Variants in LCK observed in about 807,000 individuals in gnomAD.
LCK encodes LCK proto-oncogene, Src family tyrosine kinase, also known as tyrosine-protein kinase Lck.
A neutral mutation model predicts 64.6 loss-of-function variants in LCK; 14 were observed. The ratio of observed to expected loss-of-function variants is 0.22; its 90% CI spans 0.14 to 0.34. The LOEUF (loss-of-function observed/expected upper bound fraction) is 0.34. LCK is among the 10% of genes least tolerant of loss of function. LCK has a pLI of 1.00. For missense variants in LCK, 434 were observed against 668.1 expected (o/e 0.65, Z 3.86); for synonymous variants, 277 against 263.6 (o/e 1.05, Z -0.49).
intron 1 of LCK, among the ~76,000 whole-genome samples, chr1:32,267,684 T>C (rs946670695): frequency 7.2e-6 from 1 of 138,234 alleles, no homozygotes; most frequent in Non-Finnish European, 1.6e-5. Context: ...TCACCTGAGG[T>C]CGAGAGATTG....
chr1:32,255,254 GTTTGGGCCTCAGTC>G (rs906620188), intron 1 of LCK, among the ~76,000 whole-genome samples: 1 of 152,144 alleles, frequency 6.6e-6, no homozygotes, highest in Non-Finnish European at 1.5e-5. Flanking sequence ...ATTTTACCTG[GTTTGGGCCTCAGTC>G]TTTGCATCTG....
chr1:32,276,324 C>G lies in LCK; in HGVS notation c.632-13C>G, dbSNP rs982714315. The G allele has an allele frequency of 1.3e-6, 2 of 1,548,836 alleles. No homozygotes were observed. Among genetic ancestry groups the G allele is most frequent in the African/African-American group, 1.4e-5 (1 of 73,110 alleles). On this transcript the variant is annotated splice_polypyrimidine_tract_variant and intron_variant, in intron 7 of 12. Coordinates refer to ENST00000336890, the MANE Select transcript of LCK (RefSeq NM_005356.5). The surrounding 1 kb of genome is among the most constrained non-coding windows in gnomAD (Gnocchi z 4.6). Reference sequence around the variant, plus strand: ...CCCTATTGACAGCCTTCACCCCTCCCTCGTCCTCGCAGATGCTTCAGATGG... The same window carrying G: ...CCCTATTGACAGCCTTCACCCCTCCGTCGTCCTCGCAGATGCTTCAGATGG...
intron 1 of LCK, among the ~76,000 whole-genome samples, chr1:32,259,568 C>T (rs972283622): frequency 4.7e-5 from 7 of 150,446 alleles, no homozygotes; most frequent in African/African-American, 2.4e-5. Flanking sequence ...TGCAGTGAGC[C>T]GAGATTGCAC....
chr1:32,257,435 A>G (rs1445933353), intron 1 of LCK, among the ~76,000 whole-genome samples: 1 of 151,222 alleles, frequency 6.6e-6, no homozygotes, highest in African/African-American at 2.4e-5. Context: ...TTTTTTTTGT[A>G]CCGACGGGGT....
At chr1:32,282,061 C>A (rs1416080820) in intron 12 of LCK, among the ~76,000 whole-genome samples, 1 of 152,006 alleles carries the variant, frequency 6.6e-6, no homozygotes, top group Non-Finnish European at 1.5e-5. Context: ...CAAAGTGAGA[C>A]TCTGTTTCAA....
chr1:32,256,874 C>A (rs911968281), intron 1 of LCK, among the ~76,000 whole-genome samples: 14 of 152,194 alleles, frequency 9.2e-5, no homozygotes, highest in African/African-American at 3.4e-4. Context: ...TTTTAGTGTG[C>A]GCTGTTGTTT....
chr1:32,258,107 A>AC (rs1361935197), intron 1 of LCK, among the ~76,000 whole-genome samples: 1 of 151,576 alleles, frequency 6.6e-6, no homozygotes, highest in Non-Finnish European at 1.5e-5. Flanking sequence ...ACATAGGCAG[A>AC]CCCCGTCTCT....
chr1:32,254,144 A>C (rs1639573920), intron 1 of LCK, among the ~76,000 whole-genome samples: 1 of 152,118 alleles, frequency 6.6e-6, no homozygotes, highest in Admixed American at 6.6e-5. Context: ...AAGTATCTGG[A>C]GCTAGGGGTT....
In LCK at chr1:32,273,561, G is replaced by C. The variant is rs150235739; in HGVS notation, c.-5-764G>C. On this transcript the variant is annotated intron_variant, in intron 1 of 12. Transcript: ENST00000336890. Reference sequence around the variant, plus strand: ...CAGCCCTAGAGAAGGAGGAGCTGCAGGGACTCCGGGGGCTTCAAAGTGAGG... The same window carrying C: ...CAGCCCTAGAGAAGGAGGAGCTGCACGGACTCCGGGGGCTTCAAAGTGAGG... Among the ~76,000 whole-genome samples, 894 of 152,144 alleles carry C rather than the reference G, an allele frequency of 5.9e-3. 7 individuals are homozygous for C. The highest frequency in any genetic ancestry group is 0.021 in the African/African-American group (857 of 41,482).
At chr1:32,262,413 ATC>A (rs1175607617) in intron 1 of LCK, among the ~76,000 whole-genome samples, 1 of 147,294 alleles carries the variant, frequency 6.8e-6, no homozygotes, top group African/African-American at 2.5e-5. Flanking sequence ...TGGCAGGAGA[ATC>A]TCTTTTTCTT....
Position 32,276,361 on chromosome 1 carries a change from G to T in LCK, c.656G>T (p.Arg219Leu). Reference protein sequence around the residue: ...YTNASDGLCTRLSRPCQTQKP... With the variant: ...YTNASDGLCTLLSRPCQTQKP... ...GATGCTTCAGATGGGCTGTGCACAC[G>T]GTTGAGCCGCCCCTGCCAGACCCAG... The change falls in exon 8 of 13, where the codon CGG becomes CTG. Residue 219 changes from arginine to leucine, a missense_variant. By Grantham distance (102) the Arg-to-Leu change is moderately radical. Around this residue, in one of 2 missense-constraint regions of LCK, gnomAD observed 233 missense variants for 291.2 expected, o/e 0.80. Transcript: ENST00000336890. The surrounding 1 kb of genome is among the most constrained non-coding windows in gnomAD (Gnocchi z 4.6). 1 of 1,608,738 alleles carries T rather than the reference G, an allele frequency of 6.2e-7. No homozygotes were observed. The highest frequency in any genetic ancestry group is 8.5e-7 in the Non-Finnish European group (1 of 1,178,510).
In LCK at chr1:32,285,755, C is replaced by T. The variant is rs1310981699; in HGVS notation, c.*39C>T. On this transcript the variant is annotated 3_prime_UTR_variant, in exon 13 of 13. Coordinates refer to ENST00000336890, the MANE Select transcript of LCK (RefSeq NM_005356.5). The stretch of plus-strand genomic sequence containing the variant: ...GCCCTGGGGTTCTCCCCCTTTCTCT[C>T]CAGCCTGACTTGGGGAGATGGAGTT... 1 of 1,550,256 alleles carries T rather than the reference C, an allele frequency of 6.5e-7. No homozygotes were observed. The highest frequency in any genetic ancestry group is 8.7e-7 in the Non-Finnish European group (1 of 1,145,442).
intron 12 of LCK, among the ~76,000 whole-genome samples, chr1:32,280,735 G>A (rs929385650): frequency 1.3e-5 from 2 of 151,978 alleles, no homozygotes; most frequent in Non-Finnish European, 2.9e-5. Flanking sequence ...TTACAGGCGT[G>A]AGCCACCACA....
chr1:32,276,363 T>A lies in LCK; in HGVS notation c.658T>A (p.Leu220Met). The A allele has an allele frequency of 6.2e-7, 1 of 1,609,104 alleles. No homozygotes were observed. Among genetic ancestry groups the A allele is most frequent in the Non-Finnish European group, 8.5e-7 (1 of 1,178,676 alleles). ...TNASDGLCTRLSRPCQTQKPQ... is the reference protein window; with the variant it reads ...TNASDGLCTRMSRPCQTQKPQ... ...TGCTTCAGATGGGCTGTGCACACGG[T>A]TGAGCCGCCCCTGCCAGACCCAGAA... The change falls in exon 8 of 13, where the codon TTG (leucine) becomes ATG (methionine). Residue 220 changes from leucine to methionine, a missense_variant. Physicochemically the swap from Leu to Met is conservative, Grantham distance 15. Around this residue, in one of 2 missense-constraint regions of LCK, gnomAD observed 233 missense variants for 291.2 expected, o/e 0.80. Transcript: ENST00000336890. The surrounding 1 kb of genome is among the most constrained non-coding windows in gnomAD (Gnocchi z 4.6).
intron 1 of LCK, among the ~76,000 whole-genome samples, chr1:32,256,784 T>C (rs1420427473): frequency 6.6e-6 from 1 of 152,182 alleles, no homozygotes; most frequent in African/African-American, 2.4e-5. Context: ...TCCTAAAATA[T>C]GACCTGTACA....
rs1640242947 is a variant in LCK, at chr1:32,275,700, G to C, written c.481+28G>C. ...GAGCGGGCGGCGGTCTCGACCGGGCGCGGGGGTGCCCCGGGGTGTGCCCGA... is the reference window on the plus strand; with the variant it reads ...GAGCGGGCGGCGGTCTCGACCGGGCCCGGGGGTGCCCCGGGGTGTGCCCGA... On this transcript the variant is annotated intron_variant, in intron 6 of 12. Coordinates refer to ENST00000336890, the MANE Select transcript of LCK (RefSeq NM_005356.5). The surrounding 1 kb of genome is among the most constrained non-coding windows in gnomAD (Gnocchi z 6.9). 1 of 1,536,600 alleles carries C rather than the reference G, an allele frequency of 6.5e-7. No homozygotes were observed. Among genetic ancestry groups the C allele is most frequent in the Admixed American group, 1.9e-5 (1 of 51,306 alleles).
intron 12 of LCK, 98 bp downstream of exon 12, chr1:32,280,308 C>A: frequency 6.8e-7 from 1 of 1,479,132 alleles, no homozygotes; most frequent in Non-Finnish European, 9.2e-7. Flanking sequence ...AACTTTGTAG[C>A]TGCATCTCCT....
intron 1 of LCK, among the ~76,000 whole-genome samples, chr1:32,253,292 G>A (rs1639551955): frequency 6.6e-6 from 1 of 152,128 alleles, no homozygotes; most frequent in Admixed American, 6.6e-5. Context: ...AACCCGGGAT[G>A]CACAGGTTGT....
intron 1 of LCK, among the ~76,000 whole-genome samples, chr1:32,260,233 G>A (rs1338343970): frequency 2.6e-5 from 4 of 151,988 alleles, no homozygotes; most frequent in African/African-American, 9.7e-5. Context: ...GAATGGTCTC[G>A]ATCTCTTGAC....
Sources: gnomAD v4.1 joint callset for allele counts (sites outside exome capture counted in the v4.1 genomes callset) on GRCh38, gnomAD v4.1.1 for gene constraint, gnomAD v4.1.1 regional missense constraint, Gnocchi (gnomAD v3.1) non-coding constraint, MANE v1.5 for transcripts, NCBI Gene and HGNC (gene_info 2026-07-23, HGNC 2026-07-21) for gene names.